DOCK4: variants seen among roughly 807,000 people sequenced by gnomAD.
DOCK4 encodes dedicator of cytokinesis protein 4.
DOCK4 carries 97 observed loss-of-function variants against 268.1 expected under a neutral mutation model. The observed-to-expected ratio is 0.36, with a 90% CI of 0.31 to 0.43. The LOEUF is 0.43. Ranked by LOEUF, DOCK4 falls within the 20% of genes least tolerant of loss-of-function variation. The probability of loss-of-function intolerance (pLI) is 1.00; values close to 1 mark genes in which losing one functional copy is unlikely to be tolerated. For synonymous variants in DOCK4, 954 were observed against 887.2 expected (o/e 1.08, Z -1.34); for missense variants, 2,145 against 2,455.7 (o/e 0.87, Z 2.67).
intron 8 of DOCK4, among the ~76,000 whole-genome samples, chr7:111,954,579 G>A (rs564867664): frequency 3.3e-5 from 5 of 152,122 alleles, no homozygotes; most frequent in Non-Finnish European, 7.3e-5. Flanking sequence ...AGCAGCGTGC[G>A]TCAGCAAGAT....
At chr7:112,096,962 A>G (rs2135789386) in intron 1 of DOCK4, among the ~76,000 whole-genome samples, 1 of 152,320 alleles carries the variant, frequency 6.6e-6, no homozygotes, top group Admixed American at 6.5e-5. Flanking sequence ...TGTCTCTAGA[A>G]AGCAGAGCCT....
intron 1 of DOCK4, among the ~76,000 whole-genome samples, chr7:112,020,800 G>C (rs1381947334): frequency 1.3e-5 from 2 of 152,084 alleles, no homozygotes; most frequent in Non-Finnish European, 2.9e-5. Flanking sequence ...ACAATGGCCT[G>C]GCTTTAGATG....
At position 111,869,601 on chromosome 7, in the gene DOCK4, C is replaced by A; in HGVS notation, c.2082G>T (p.Arg694=). ...TCAGCACCTCCTGGATATGCTCTTG[C>A]CGCTCTGCTTCTGTGATCCGGTCCA... ...WYVDRITEAE[R]QEHIQEVLKA... Residue 694 remains arginine (R), a synonymous_variant, in exon 21 of 53, where the codon CGG becomes CGT. Transcript: ENST00000428084. 2 of 1,613,528 alleles carry A rather than the reference C, an allele frequency of 1.2e-6. No individual in the cohort carries two copies. The highest frequency in any genetic ancestry group is 2.2e-5 in the South Asian group (2 of 91,078).
chr7:112,081,536 G>A (rs75992794), intron 1 of DOCK4, among the ~76,000 whole-genome samples: 4,070 of 152,240 alleles, frequency 0.027, 207 homozygotes, highest in African/African-American at 0.093. Flanking sequence ...CCACTCTCAA[G>A]TGGGATTCTT....
chr7:111,897,063 G>C (rs946297169), intron 15 of DOCK4, among the ~76,000 whole-genome samples: 1 of 151,960 alleles, frequency 6.6e-6, no homozygotes. Flanking sequence ...GTCTTCCTAC[G>C]CATGACCATA....
chr7:112,184,812 G>T (rs1024228107), intron 1 of DOCK4, among the ~76,000 whole-genome samples: 1 of 151,994 alleles, frequency 6.6e-6, no homozygotes, highest in Non-Finnish European at 1.5e-5. Flanking sequence ...GCTTGCAGAG[G>T]GTGTTGAGAG....
At chr7:112,140,602 C>CAA (rs35430125) in intron 1 of DOCK4, among the ~76,000 whole-genome samples, 117 of 108,412 alleles carry the variant, frequency 1.1e-3, no homozygotes, top group Middle Eastern at 6.0e-3. Context: ...TGCTCCCCGA[C>CAA]AAAAAAAAAA....
chr7:111,744,437 C>T (rs1020674051), intron 44 of DOCK4, among the ~76,000 whole-genome samples: 5 of 152,152 alleles, frequency 3.3e-5, no homozygotes, highest in Admixed American at 1.3e-4. Context: ...TTGACAGTCA[C>T]GTGCACTGCT....
intron 11 of DOCK4, among the ~76,000 whole-genome samples, chr7:111,936,524 GGAT>G (rs1313571752): frequency 6.6e-6 from 1 of 152,034 alleles, no homozygotes; most frequent in African/African-American, 2.4e-5. Flanking sequence ...ATGGATGGAT[GGAT>G]GGACGGATGG....
chr7:111,782,822 A>C lies in DOCK4; in HGVS notation c.3585+42T>G, dbSNP rs754372920. 3 of 1,582,862 alleles carry C rather than the reference A, an allele frequency of 1.9e-6. No individual in the cohort carries two copies. In the Admixed American group the frequency reaches 5.0e-5, roughly 27 times the overall value. On this transcript the variant is annotated intron_variant, in intron 35 of 52. Coordinates refer to ENST00000428084, the MANE Select transcript of DOCK4 (RefSeq NM_001363540.2). Reference sequence around the variant, plus strand: ...ATAGTATTTCTGGGAAAAAAATACAAGTATTAGGAGAAAAGGAGAAAAAGG... The same window carrying C: ...ATAGTATTTCTGGGAAAAAAATACACGTATTAGGAGAAAAGGAGAAAAAGG...
intron 8 of DOCK4, among the ~76,000 whole-genome samples, chr7:111,971,071 T>C (rs2135064883): frequency 6.6e-6 from 1 of 152,354 alleles, no homozygotes; most frequent in Non-Finnish European, 1.5e-5. Context: ...GGAGTACTTT[T>C]ACATGCTGGC....
chr7:111,930,007 C>T (rs1340832791), intron 12 of DOCK4, among the ~76,000 whole-genome samples: 3 of 152,206 alleles, frequency 2.0e-5, no homozygotes, highest in East Asian at 3.8e-4. Flanking sequence ...TCTAATGTCA[C>T]ATTCCTATAA....
chr7:112,198,987 T>A (rs2116860958), intron 1 of DOCK4, among the ~76,000 whole-genome samples: 1 of 152,360 alleles, frequency 6.6e-6, no homozygotes, highest in Middle Eastern at 3.4e-3. Context: ...ACTCTGTGCA[T>A]AAAGTGTTTT....
At chr7:111,779,735 C>G (rs896020266) in intron 35 of DOCK4, among the ~76,000 whole-genome samples, 1 of 152,126 alleles carries the variant, frequency 6.6e-6, no homozygotes, top group Non-Finnish European at 1.5e-5. Context: ...GATAAGCATC[C>G]AAAGCTACTT....
intron 16 of DOCK4, among the ~76,000 whole-genome samples, chr7:111,894,221 C>A (rs1277513237): frequency 1.6e-4 from 22 of 139,968 alleles, no homozygotes; most frequent in African/African-American, 2.9e-4. Context: ...GACTCCATCT[C>A]AAAAAAAAAA....
chr7:111,745,683 T>TTAAA (rs1554579453), intron 44 of DOCK4, among the ~76,000 whole-genome samples: 2 of 49,614 alleles, frequency 4.0e-5, no homozygotes, highest in African/African-American at 1.8e-4. Flanking sequence ...GACTCCGTCT[T>TTAAA]AAAAAAAAAA....
chr7:111,756,048 A>G (rs1265477363), intron 41 of DOCK4, among the ~76,000 whole-genome samples: 1 of 152,148 alleles, frequency 6.6e-6, no homozygotes, highest in Non-Finnish European at 1.5e-5. Context: ...AGCATGATCT[A>G]TGTTAAGGAT....
chr7:112,123,444 T>C (rs1306779607), intron 1 of DOCK4, among the ~76,000 whole-genome samples: 11 of 152,202 alleles, frequency 7.2e-5, no homozygotes, highest in Admixed American at 7.2e-4. Flanking sequence ...TGAAAATTCA[T>C]GGCCTTTATA....
rs140883588 is a variant in DOCK4 at position 112,018,143 on chromosome 7, C to CAAAAA, written c.38-14017_38-14013dup. Reference sequence around the variant, plus strand: ...TGGGCAACACAGCAAGACTCCAGCTCAAAAAAAAAAAAAAAAAAAAAAAAA... The same window carrying CAAAAA: ...TGGGCAACACAGCAAGACTCCAGCTCAAAAAAAAAAAAAAAAAAAAAAAAAAAAAA... On this transcript the variant is annotated intron_variant, in intron 1 of 52. Coordinates refer to ENST00000428084, the MANE Select transcript of DOCK4 (RefSeq NM_001363540.2). Among the ~76,000 whole-genome samples, 7 of 20,640 alleles carry CAAAAA rather than the reference C, an allele frequency of 3.4e-4. 3 individuals are homozygous for CAAAAA. Among genetic ancestry groups the CAAAAA allele is most frequent in the East Asian group, 0.01 (2 of 198 alleles). The allele number at this position is 20,640 out of a possible 152,430, so 13.5% of individuals were successfully genotyped here.
Sources: gnomAD v4.1 joint callset for allele counts (sites outside exome capture counted in the v4.1 genomes callset) on GRCh38, gnomAD v4.1.1 for gene constraint, MANE v1.5 for transcripts, NCBI Gene and HGNC (gene_info 2026-07-23, HGNC 2026-07-21) for gene names.